The following OMA1 variants were observed in gnomAD, a reference collection of about 807,000 sequenced individuals.
OMA1 encodes metalloendopeptidase OMA1, mitochondrial.
A neutral mutation model predicts 30.9 loss-of-function variants in OMA1; 38 were observed. That is an observed-to-expected ratio of 1.23 (90% CI 0.95 to 1.61). The LOEUF is 1.61. OMA1 is among the 40% of genes most tolerant of loss of function. The pLI, the probability that OMA1 is intolerant of heterozygous loss-of-function variation, is 0.00. For synonymous variants in OMA1, 173 were observed against 121.9 expected (o/e 1.42, Z -2.76); for missense variants, 461 against 349.2 (o/e 1.32, Z -2.55).
chr1:58,528,656 G>A (rs538877765), intron 6 of OMA1, among the ~76,000 whole-genome samples: 1 of 152,242 alleles, frequency 6.6e-6, no homozygotes, highest in African/African-American at 2.4e-5. Context: ...GAATTATCCA[G>A]TCCAAAGTGT....
chr1:58,482,293 A>G (rs1286900702), intron 8 of OMA1, among the ~76,000 whole-genome samples: 1 of 152,198 alleles, frequency 6.6e-6, no homozygotes, highest in African/African-American at 2.4e-5. Flanking sequence ...TAAGCATGTT[A>G]TTTAGACACA....
At chr1:58,482,916 G>T (rs954797051) in intron 8 of OMA1, among the ~76,000 whole-genome samples, 1 of 152,138 alleles carries the variant, frequency 6.6e-6, no homozygotes, top group Non-Finnish European at 1.5e-5. Context: ...TAAACAGCCT[G>T]CCTCTAATAT....
In OMA1 at chr1:58,497,655, C is replaced by T. The variant is rs12728773; in HGVS notation, c.1365+8405G>A. On this transcript the variant is annotated intron_variant, in intron 8 of 8. Transcript: ENST00000371226. ...GTTTTCTCAGAGAAATATGTATCTA[C>T]GAAGGAAATCTCTAATTTGCAAGTA... Among the ~76,000 whole-genome samples, 885 of 152,194 alleles carry T rather than the reference C, an allele frequency of 5.8e-3. 7 individuals are homozygous for T. The highest frequency in any genetic ancestry group is 8.4e-3 in the Non-Finnish European group (569 of 68,002).
intron 6 of OMA1, among the ~76,000 whole-genome samples, chr1:58,530,290 G>A (rs1010404334): frequency 2.0e-5 from 3 of 152,136 alleles, no homozygotes; most frequent in Non-Finnish European, 4.4e-5. Flanking sequence ...CAGTTACTAC[G>A]AAAGGAAGGG....
In OMA1 at chr1:58,512,221, G is replaced by A. The variant is rs192377283; in HGVS notation, c.1216-6012C>T. On this transcript the variant is annotated intron_variant, in intron 7 of 8. Coordinates refer to ENST00000371226, the MANE Select transcript of OMA1 (RefSeq NM_145243.5). ...ATGAAATATTACCTTACACCTGTTA[G>A]GTTATCTATCATTGAAAAAAAGAGA... Among the ~76,000 whole-genome samples, 128 of 152,214 alleles carry A rather than the reference G, an allele frequency of 8.4e-4. 1 individual carries two copies. The East Asian group carries it at 0.011, about 14-fold the overall frequency.
intron 8 of OMA1, among the ~76,000 whole-genome samples, chr1:58,492,649 T>A (rs562517016): frequency 1.1e-3 from 164 of 152,170 alleles, no homozygotes; most frequent in African/African-American, 3.9e-3. Flanking sequence ...TCTACACAAA[T>A]AAACTAGAAA....
intron 8 of OMA1, among the ~76,000 whole-genome samples, chr1:58,493,702 A>C (rs186822): frequency 0.05 from 7,642 of 151,672 alleles, 629 homozygotes; most frequent in African/African-American, 0.18. Flanking sequence ...TAGGAATCCA[A>C]CTTACAAGGG....
At chr1:58,491,550 A>G (rs2100378625) in intron 8 of OMA1, among the ~76,000 whole-genome samples, 1 of 152,288 alleles carries the variant, frequency 6.6e-6, no homozygotes, top group East Asian at 1.9e-4. Flanking sequence ...CATAGGTTCA[A>G]AATAAAAGGA....
intron 7 of OMA1, among the ~76,000 whole-genome samples, chr1:58,517,152 G>C (rs1210615529): frequency 6.6e-6 from 1 of 152,142 alleles, no homozygotes; most frequent in African/African-American, 2.4e-5. Context: ...GATTTGAAGA[G>C]GTTAAGTGAT....
At chr1:58,496,710 G>A (rs538154739) in intron 8 of OMA1, among the ~76,000 whole-genome samples, 5 of 152,036 alleles carry the variant, frequency 3.3e-5, no homozygotes, top group African/African-American at 1.2e-4. Flanking sequence ...TACACTTACC[G>A]TTCTGATTTT....
At chr1:58,487,646 GT>G (rs1254726635) in intron 8 of OMA1, among the ~76,000 whole-genome samples, 3 of 152,100 alleles carry the variant, frequency 2.0e-5, no homozygotes, top group East Asian at 3.8e-4. Context: ...GGTTCTAATA[GT>G]TTTTTAAATT....
chr1:58,529,867 C>T (rs1229854460), intron 6 of OMA1, among the ~76,000 whole-genome samples: 1 of 152,108 alleles, frequency 6.6e-6, no homozygotes, highest in East Asian at 1.9e-4. Context: ...CATGCAAACA[C>T]CATGCTTTTA....
At chr1:58,483,594 G>A (rs2100353928) in intron 8 of OMA1, among the ~76,000 whole-genome samples, 1 of 152,328 alleles carries the variant, frequency 6.6e-6, no homozygotes, top group African/African-American at 2.4e-5. Context: ...TCTAGTGAGT[G>A]TTAAGTAAAT....
chr1:58,489,888 G>A (rs1208790105), intron 8 of OMA1, among the ~76,000 whole-genome samples: 1 of 152,192 alleles, frequency 6.6e-6, no homozygotes, highest in Non-Finnish European at 1.5e-5. Context: ...GGTCCTGACT[G>A]TTAGAAGGAA....
intron 3 of OMA1, among the ~76,000 whole-genome samples, chr1:58,535,807 T>C (rs995520671): frequency 7.9e-5 from 12 of 152,106 alleles, no homozygotes; most frequent in Non-Finnish European, 1.5e-4. Flanking sequence ...GAGGTAAGAC[T>C]TCTAAATTAT....
chr1:58,530,047 A>AT (rs1443660278), intron 6 of OMA1, among the ~76,000 whole-genome samples: 2 of 152,068 alleles, frequency 1.3e-5, no homozygotes, highest in East Asian at 3.9e-4. Context: ...CGCCAGGCTA[A>AT]TTTTTTTGTA....
intron 7 of OMA1, among the ~76,000 whole-genome samples, chr1:58,506,887 T>C (rs1386991084): frequency 6.6e-6 from 1 of 152,104 alleles, no homozygotes; most frequent in Non-Finnish European, 1.5e-5. Flanking sequence ...AAAAGTACAA[T>C]ATAAAAGTAC....
intron 1 of OMA1, among the ~76,000 whole-genome samples, chr1:58,541,155 G>C (rs983076199): frequency 1.3e-5 from 2 of 151,288 alleles, no homozygotes; most frequent in Admixed American, 6.6e-5. Context: ...TTAGGCAGGT[G>C]TGGTGGCACT....
chr1:58,534,871 G>A (rs987846996), intron 3 of OMA1, among the ~76,000 whole-genome samples: 1 of 152,212 alleles, frequency 6.6e-6, no homozygotes, highest in African/African-American at 2.4e-5. Context: ...AGGAGGTGGA[G>A]GTTGCAGTGA....
Sources: gnomAD v4.1 joint callset for allele counts (sites outside exome capture counted in the v4.1 genomes callset) on GRCh38, gnomAD v4.1.1 for gene constraint, MANE v1.5 for transcripts, NCBI Gene and HGNC (gene_info 2026-07-23, HGNC 2026-07-21) for gene names.